GPCPD1: variants seen among roughly 807,000 people sequenced by gnomAD.
GPCPD1 encodes glycerophosphocholine phosphodiesterase 1.
In GPCPD1, 29 loss-of-function variants were observed where a neutral mutation model predicts 89.2. The ratio of observed to expected loss-of-function variants is 0.33; its 90% CI spans 0.24 to 0.44. The LOEUF (loss-of-function observed/expected upper bound fraction) is 0.44, where lower values mean the gene tolerates loss of function less well. Among genes scored for constraint, GPCPD1 ranks in the 20% least tolerant of loss-of-function variants. The pLI is 1.00. For missense variants in GPCPD1, 594 were observed against 808.9 expected, an observed-to-expected ratio of 0.73 and a Z score of 3.22; for synonymous variants, 258 against 266.3, an observed-to-expected ratio of 0.97 and a Z score of 0.30.
At chr20:5,561,603 A>C (rs1329726570) in intron 15 of GPCPD1, 73 bp from the exon 16 acceptor site, 1 of 668,746 alleles carries the variant, frequency 1.5e-6, no homozygotes, top group Non-Finnish European at 2.6e-6. Flanking sequence ...AAAAAAATAC[A>C]ATTATTACTA....
chr20:5,569,222 G>C (rs1466188814), intron 12 of GPCPD1, among the ~76,000 whole-genome samples: 1 of 151,350 alleles, frequency 6.6e-6, no homozygotes, highest in Non-Finnish European at 1.5e-5. Context: ...TAGGAACTCT[G>C]ATTAAAATTC....
chr20:5,558,556 G>T, intron 18 of GPCPD1, 128 bp downstream of exon 18: 1 of 560,132 alleles, frequency 1.8e-6, no homozygotes, highest in Non-Finnish European at 3.1e-6. Context: ...TTTTTAAGTA[G>T]AGCCACTTGT....
intron 1 of GPCPD1, among the ~76,000 whole-genome samples, chr20:5,608,744 G>A (rs530626476): frequency 2.0e-5 from 3 of 152,174 alleles, no homozygotes; most frequent in Non-Finnish European, 2.9e-5. Context: ...TAACCAACTC[G>A]CCTATTACCT....
intron 18 of GPCPD1, 118 bp from the exon 19 acceptor site, chr20:5,558,223 T>A (rs1600719220): frequency 1.8e-6 from 1 of 550,428 alleles, no homozygotes; most frequent in East Asian, 3.0e-5. Flanking sequence ...AATGGTAGAT[T>A]TTTTTCTTCC....
At chr20:5,567,376 T>C in intron 13 of GPCPD1, 107 bp downstream of exon 13, 2 of 1,320,016 alleles carry the variant, frequency 1.5e-6, no homozygotes, top group Non-Finnish European at 2.0e-6. Flanking sequence ...GTCTACACAT[T>C]AAATTTAACA....
intron 5 of GPCPD1, 103 bp downstream of exon 5, chr20:5,586,084 GCATTGAC>G (rs1978901208): frequency 1.8e-6 from 1 of 543,028 alleles, no homozygotes; most frequent in African/African-American, 2.0e-5. Context: ...CACTGACAAT[GCATTGAC>G]CTTAACTTTA....
At chr20:5,588,166 T>C (rs1600777529) in intron 4 of GPCPD1, among the ~76,000 whole-genome samples, 1 of 152,218 alleles carries the variant, frequency 6.6e-6, no homozygotes, top group East Asian at 1.9e-4. Flanking sequence ...CCTGAAATAT[T>C]TTTTAAATGT....
chr20:5,590,597 C>T (rs1338013494), intron 4 of GPCPD1, among the ~76,000 whole-genome samples: 1 of 144,588 alleles, frequency 6.9e-6, no homozygotes, highest in Non-Finnish European at 1.5e-5. Context: ...GTCACCTAGG[C>T]ATGAGTAAAG....
At chr20:5,598,536 T>G (rs890064238) in intron 3 of GPCPD1, among the ~76,000 whole-genome samples, 189 bp downstream of exon 3, 1 of 151,472 alleles carries the variant, frequency 6.6e-6, no homozygotes, top group African/African-American at 2.4e-5. Context: ...AGGCAGGGAT[T>G]AACAGTAAGA....
At chr20:5,583,260 A>ACC (rs929154495) in intron 6 of GPCPD1, among the ~76,000 whole-genome samples, 3 of 142,768 alleles carry the variant, frequency 2.1e-5, no homozygotes, top group African/African-American at 7.8e-5. Flanking sequence ...AATTCCAGTC[A>ACC]CCCAGCTGGG....
At chr20:5,561,348 G>GCA in intron 16 of GPCPD1, 117 bp downstream of exon 16, 1 of 556,622 alleles carries the variant, frequency 1.8e-6, no homozygotes, top group Non-Finnish European at 3.2e-6. Context: ...GCTTGGTGGA[G>GCA]GAAGCCACAA....
Position 5,600,919 on chromosome 20 carries a change from G to A in GPCPD1, c.50-2098C>T, listed in dbSNP as rs1980088387. ...GCAGGAGAATCGCTTGAACCTGGCA[G>A]GTGGAGGGTGCAGTGAGCCAAGATC... On this transcript the variant is annotated intron_variant, in intron 2 of 19. Coordinates refer to ENST00000379019, the MANE Select transcript of GPCPD1 (RefSeq NM_019593.5). Among the ~76,000 whole-genome samples the A allele has an allele frequency of 2.0e-5, 3 of 152,176 alleles. No homozygotes were observed. The South Asian group carries it at 6.2e-4, about 32-fold the overall frequency.
chr20:5,554,983 G>A (rs1014427882), intron 19 of GPCPD1, among the ~76,000 whole-genome samples: 4 of 152,238 alleles, frequency 2.6e-5, no homozygotes, highest in African/African-American at 9.6e-5. Flanking sequence ...CACTGCAGAT[G>A]TGGTGGAAAT....
chr20:5,596,340 C>T (rs1307895398), intron 3 of GPCPD1, among the ~76,000 whole-genome samples: 5 of 151,954 alleles, frequency 3.3e-5, no homozygotes, highest in Non-Finnish European at 5.9e-5. Flanking sequence ...TAGAGTGAAC[C>T]GAAATCGTGT....
intron 6 of GPCPD1, 66 bp from the exon 7 acceptor site, chr20:5,580,197 C>A: frequency 1.3e-6 from 1 of 782,940 alleles, no homozygotes; most frequent in South Asian, 1.8e-5. Flanking sequence ...CAATAAGTAC[C>A]TATAGGCATT....
In GPCPD1 at chr20:5,578,713, T is replaced by A. The variant is rs544679766; in HGVS notation, c.474-102A>T. 232 of 680,496 alleles carry A rather than the reference T, an allele frequency of 3.4e-4. 1 individual carries two copies. In the African/African-American group the frequency reaches 3.7e-3, roughly 11 times the overall value. 42.2% of individuals were successfully genotyped at this position (680,496 alleles called of 1,614,324 possible). On this transcript the variant is annotated intron_variant, in intron 7 of 19. Transcript: ENST00000379019. ...CATTTTAAAGTGCCCCCAAATATGCTAAATCTTCGAATAACAAAAATAATG... is the reference window on the plus strand; with the variant it reads ...CATTTTAAAGTGCCCCCAAATATGCAAAATCTTCGAATAACAAAAATAATG...
intron 12 of GPCPD1, 165 bp from the exon 13 acceptor site, chr20:5,567,725 C>G: frequency 1.6e-6 from 1 of 610,336 alleles, no homozygotes; most frequent in Non-Finnish European, 2.6e-6. Context: ...CCATGCAGGA[C>G]AGCCCTTCTA....
intron 3 of GPCPD1, among the ~76,000 whole-genome samples, chr20:5,597,840 G>A (rs1979837600): frequency 6.6e-6 from 1 of 152,104 alleles, no homozygotes; most frequent in Non-Finnish European, 1.5e-5. Context: ...CCCATACTAA[G>A]TTTACTGATG....
chr20:5,598,849 A>C, intron 2 of GPCPD1, 28 bp from the exon 3 acceptor site: 1 of 1,386,870 alleles, frequency 7.2e-7, no homozygotes, highest in Admixed American at 1.7e-5. Flanking sequence ...TCAGTCACAG[A>C]GAAACAGAAC....
Sources: gnomAD v4.1 joint callset for allele counts (sites outside exome capture counted in the v4.1 genomes callset) on GRCh38, gnomAD v4.1.1 for gene constraint, MANE v1.5 for transcripts, NCBI Gene and HGNC (gene_info 2026-07-23, HGNC 2026-07-21) for gene names.